The following ZNF414 variants were observed in gnomAD, a reference collection of about 807,000 sequenced individuals.
ZNF414 encodes zinc finger protein 414.
In ZNF414, 32 loss-of-function variants were observed where a neutral mutation model predicts 38.3. That is an observed-to-expected ratio of 0.83 (90% CI 0.63 to 1.12). ZNF414 has a LOEUF of 1.12. Ranked by LOEUF, ZNF414 falls within the 50% of genes most tolerant of loss-of-function variation. The pLI, the probability that ZNF414 is intolerant of heterozygous loss-of-function variation, is 0.00. For missense variants in ZNF414, 589 were observed against 557.4 expected (o/e 1.06, Z -0.57); for synonymous variants, 256 against 248.0 (o/e 1.03, Z -0.30).
intron 2 of ZNF414, 88 bp from the exon 3 acceptor site, chr19:8,512,799 T>A (rs553233127): frequency 3.8e-6 from 5 of 1,303,450 alleles, no homozygotes; most frequent in Non-Finnish European, 5.2e-6. Flanking sequence ...GAAGCAAATA[T>A]GATGTGCTGG....
rs778760286 is a variant in ZNF414, at chr19:8,511,895, G to A, written c.596C>T (p.Ala199Val). Residue 199 changes from alanine to valine, a missense_variant, in exon 5 of 8, where the codon GCG (alanine) becomes GTG (valine). Transcript: ENST00000393927. The part of the protein sequence containing the change: ...RSLFKHLHVC[A>V]EHAQSPAPPP... ...CGGGGCTGGGCTCTGCGCATGCTCC[G>A]CGCAAACATGCAGGTGCTTGAAGAG... 6 of 1,411,854 alleles carry A rather than the reference G, an allele frequency of 4.2e-6. No homozygotes were observed. The highest frequency in any genetic ancestry group is 2.7e-5 in the East Asian group (1 of 37,544). 87.5% of individuals were successfully genotyped at this position (1,411,854 alleles called of 1,614,324 possible).
Position 8,512,656 on chromosome 19 carries a change from A to G in ZNF414, c.372T>C (p.Arg124=). ...PGCCLSFPSV[R]DLAQHLRTHC... ...GGGTTCGCAGATGCTGTGCCAGGTC[A>G]CGGACGCTGGGAAAACTGAGGCAGC... is the stretch of plus-strand genomic sequence containing the variant. The change falls in exon 3 of 8, where the codon CGT becomes CGC. Residue 124 remains arginine, a synonymous_variant. Transcript: ENST00000393927. 1 of 1,590,752 alleles carries G rather than the reference A, an allele frequency of 6.3e-7. No individual in the cohort carries two copies. Among genetic ancestry groups the G allele is most frequent in the Non-Finnish European group, 8.6e-7 (1 of 1,168,818 alleles).
intron 6 of ZNF414, among the ~76,000 whole-genome samples, 152 bp from the exon 7 acceptor site, chr19:8,511,176 T>G (rs1182233479): frequency 6.6e-6 from 1 of 152,140 alleles, no homozygotes; most frequent in Non-Finnish European, 1.5e-5. Context: ...CGGGTCTGTC[T>G]GCCCCTAGAG....
rs769425697 is a variant in ZNF414 at position 8,513,131 on chromosome 19, G to T, written c.214C>A (p.Pro72Thr). ...GGMQQGSSPAPDSCQPGPGPS... is the reference protein window; with the variant it reads ...GGMQQGSSPATDSCQPGPGPS... ...CCGGGGCCAGGCTGGCAGCTGTCTG[G>T]GGCTGGGGAGGAGCCCTGCTGCATC... Residue 72 changes from proline to threonine, a missense_variant, in exon 2 of 8, where the codon CCA becomes ACA. Physicochemically the swap from Pro to Thr is conservative, Grantham distance 38. Coordinates refer to ENST00000393927, the MANE Select transcript of ZNF414 (RefSeq NM_001146175.2). 1 of 1,541,986 alleles carries T rather than the reference G, an allele frequency of 6.5e-7. No individual in the cohort carries two copies. Among genetic ancestry groups the T allele is most frequent in the South Asian group, 1.2e-5 (1 of 84,096 alleles).
rs1006105412 is a variant in ZNF414 at position 8,511,746 on chromosome 19, G to C, written c.745C>G (p.Pro249Ala). 2 of 1,455,020 alleles carry C rather than the reference G, an allele frequency of 1.4e-6. No individual in the cohort carries two copies. Among genetic ancestry groups the C allele is most frequent in the African/African-American group, 1.5e-5 (1 of 68,048 alleles). 90.1% of individuals were successfully genotyped at this position (1,455,020 alleles called of 1,614,324 possible). Residue 249 changes from proline (P) to alanine (A), a missense_variant, in exon 5 of 8, where the codon CCC becomes GCC. By Grantham distance (27) the Pro-to-Ala change is conservative. Transcript: ENST00000393927. ...LEPFTTPAPA[P>A]TGPFLPYLNP... ...AAGTAGGGCAGGAACGGTCCGGTGG[G>C]GGCAGGGGCGGGGGTCGTGAAGGGT...
chr19:8,511,784 A>G lies in ZNF414; in HGVS notation c.707T>C (p.Phe236Ser). The G allele has an allele frequency of 1.4e-6, 2 of 1,419,508 alleles. No homozygotes were observed. The highest frequency in any genetic ancestry group is 9.1e-7 in the Non-Finnish European group (1 of 1,095,172). The allele number at this position is 1,419,508 out of a possible 1,614,324, so 87.9% of individuals were successfully genotyped here. The change falls in exon 5 of 8, where the codon TTC becomes TCC. Residue 236 changes from phenylalanine to serine, a missense_variant. Physicochemically the swap from Phe to Ser is radical, Grantham distance 155. Transcript: ENST00000393927. Reference protein sequence around the residue: ...VDPASAPGLPFPLLEPFTTPA... With the variant: ...VDPASAPGLPSPLLEPFTTPA... ...GGTCGTGAAGGGTTCCAGCAGCGGG[A>G]ACGGCAGGCCCGGCGCTGATGCGGG... is the stretch of plus-strand genomic sequence containing the variant.
At position 8,510,308 on chromosome 19, in the gene ZNF414, G is replaced by GAAAAAA. The variant is rs534955424; in HGVS notation, c.*377_*382dup. The GAAAAAA allele has an allele frequency of 2.0e-5, 2 of 101,070 alleles. No homozygotes were observed. Among genetic ancestry groups the GAAAAAA allele is most frequent in the Admixed American group, 1.0e-4 (1 of 9,842 alleles). 6.3% of individuals were successfully genotyped at this position (101,070 alleles called of 1,614,324 possible). A position where few individuals can be genotyped will look rare whatever the true frequency, so the allele number is the denominator to read the frequency against. On this transcript the variant is annotated 3_prime_UTR_variant, in exon 8 of 8. Transcript: ENST00000393927. ...GTCTCAAAAAAGAAAAAAAAAAAAA[G>GAAAAAA]AAAAAAAAAAAAAAAGAAAACTGGA...
Position 8,513,057 on chromosome 19 carries a change from C to G in ZNF414, c.288G>C (p.Leu96=). 1 of 1,477,320 alleles carries G rather than the reference C, an allele frequency of 6.8e-7. No homozygotes were observed. The highest frequency in any genetic ancestry group is 9.0e-7 in the Non-Finnish European group (1 of 1,115,738). The allele number at this position is 1,477,320 out of a possible 1,614,324, so 91.5% of individuals were successfully genotyped here. ...TSIVSGTSED[L]RPPRRRPPPG... The stretch of plus-strand genomic sequence containing the variant: ...GAGGTGGGCGTCGTCTGGGAGGCCG[C>G]AGGTCCTCGCTGGTCCCGGAGACTA... The change falls in exon 2 of 8, where the codon CTG becomes CTC. Residue 96 remains leucine, a synonymous_variant. Transcript: ENST00000393927.
intron 4 of ZNF414, 179 bp downstream of exon 4, chr19:8,512,208 G>C (rs1971927592): frequency 4.9e-6 from 7 of 1,432,718 alleles, no homozygotes; most frequent in Middle Eastern, 2.6e-4. Flanking sequence ...GCCTGGCTGG[G>C]TGGGGCCACG....
At chr19:8,511,185 A>G (rs1971908047) in intron 6 of ZNF414, 161 bp from the exon 7 acceptor site, 3 of 1,311,598 alleles carry the variant, frequency 2.3e-6, no homozygotes, top group South Asian at 2.1e-5. Context: ...CTGCCCCTAG[A>G]GTTGGGGGCA....
At chr19:8,511,101 G>A (rs1460773920) in intron 6 of ZNF414, 77 bp from the exon 7 acceptor site, 3 of 1,283,296 alleles carry the variant, frequency 2.3e-6, no homozygotes, top group African/African-American at 1.6e-5. Flanking sequence ...GGAGGACGCC[G>A]GCGAGGGTGG....
Position 8,514,131 on chromosome 19 carries a change from C to G in ZNF414, c.-85G>C. 1 of 1,372,090 alleles carries G rather than the reference C, an allele frequency of 7.3e-7. No homozygotes were observed. The highest frequency in any genetic ancestry group is 9.4e-7 in the Non-Finnish European group (1 of 1,059,388). 85.0% of individuals were successfully genotyped at this position (1,372,090 alleles called of 1,614,324 possible). ...CCACCCTCTGGGCAGTGCGAGTTCG[C>G]GCTCACGTCAGCGCCATTTTCCACC... On this transcript the variant is annotated 5_prime_UTR_variant, in exon 1 of 8. Transcript: ENST00000393927.
chr19:8,512,013 G>C (rs1971924744), intron 4 of ZNF414, 53 bp from the exon 5 acceptor site: 1 of 1,388,162 alleles, frequency 7.2e-7, no homozygotes, highest in East Asian at 2.6e-5. Flanking sequence ...GCACCAGGGA[G>C]AGTGTCCTGT....
chr19:8,513,530 T>C (rs574061492), intron 1 of ZNF414, among the ~76,000 whole-genome samples, 189 bp from the exon 2 acceptor site: 35 of 152,300 alleles, frequency 2.3e-4, no homozygotes, highest in Admixed American at 2.1e-3. Flanking sequence ...TGGTCTCAAG[T>C]GATCCTCCTG....
At position 8,513,266 on chromosome 19, in the gene ZNF414, C is replaced by G; in HGVS notation, c.79G>C (p.Val27Leu). The part of the protein sequence containing the change: ...EPSSSETDKE[V>L]LSPAVPAAAP... ...GCAGCTGGCACAGCCGGGGACAACACCTCCTTGTCGGTCTCACTGGAGCTG... is the reference window on the plus strand; with the variant it reads ...GCAGCTGGCACAGCCGGGGACAACAGCTCCTTGTCGGTCTCACTGGAGCTG... Residue 27 changes from valine to leucine, a missense_variant, in exon 2 of 8, where the codon GTG (valine) becomes CTG (leucine). Transcript: ENST00000393927. The G allele has an allele frequency of 6.3e-7, 1 of 1,595,616 alleles. No homozygotes were observed. The highest frequency in any genetic ancestry group is 8.5e-7 in the Non-Finnish European group (1 of 1,178,152).
At chr19:8,512,737 A>G in intron 2 of ZNF414, 26 bp from the exon 3 acceptor site, 1 of 1,475,124 alleles carries the variant, frequency 6.8e-7, no homozygotes, top group Non-Finnish European at 9.0e-7. Context: ...AACAGTGGTC[A>G]CTGGTCCCTT....
In ZNF414 at chr19:8,514,155, CCT is replaced by C; in HGVS notation, c.-111_-110del. The C allele has an allele frequency of 7.6e-7, 1 of 1,315,690 alleles. No individual in the cohort carries two copies. The highest frequency in any genetic ancestry group is 9.8e-7 in the Non-Finnish European group (1 of 1,020,986). The allele number at this position is 1,315,690 out of a possible 1,614,324, so 81.5% of individuals were successfully genotyped here. A position where few individuals can be genotyped will look rare whatever the true frequency, so the allele number is the denominator to read the frequency against. ...GCGCTCACGTCAGCGCCATTTTCCA[CCT>C]CTCAGCTCTCGCGAGACTGGGGGCG... On this transcript the variant is annotated 5_prime_UTR_variant, in exon 1 of 8. Coordinates refer to ENST00000393927, the MANE Select transcript of ZNF414 (RefSeq NM_001146175.2).
chr19:8,514,105 G>A lies in ZNF414; in HGVS notation c.-59C>T, dbSNP rs1415823093. ...TCCGGCGGCTGCAGCTTAGGCGGCGGCCACCCTCTGGGCAGTGCGAGTTCG... is the reference window on the plus strand; with the variant it reads ...TCCGGCGGCTGCAGCTTAGGCGGCGACCACCCTCTGGGCAGTGCGAGTTCG... On this transcript the variant is annotated 5_prime_UTR_variant, in exon 1 of 8. Transcript: ENST00000393927. 4 of 1,450,374 alleles carry A rather than the reference G, an allele frequency of 2.8e-6. No individual in the cohort carries two copies. Among genetic ancestry groups the A allele is most frequent in the Admixed American group, 2.6e-5 (1 of 38,530 alleles). 89.8% of individuals were successfully genotyped at this position (1,450,374 alleles called of 1,614,324 possible). A position where few individuals can be genotyped will look rare whatever the true frequency, so the allele number is the denominator to read the frequency against.
chr19:8,514,076 C>T lies in ZNF414; in HGVS notation c.-30G>A. The stretch of plus-strand genomic sequence containing the variant: ...GACACGGCTCGGCCTCTTGTTTCTG[C>T]GGCTCCGGCGGCTGCAGCTTAGGCG... On this transcript the variant is annotated 5_prime_UTR_variant, in exon 1 of 8. Coordinates refer to ENST00000393927, the MANE Select transcript of ZNF414 (RefSeq NM_001146175.2). The T allele has an allele frequency of 1.4e-6, 2 of 1,463,258 alleles. No individual in the cohort carries two copies. Among genetic ancestry groups the T allele is most frequent in the Non-Finnish European group, 1.8e-6 (2 of 1,108,020 alleles). 90.6% of individuals were successfully genotyped at this position (1,463,258 alleles called of 1,614,324 possible).
Sources: gnomAD v4.1 joint callset for allele counts (sites outside exome capture counted in the v4.1 genomes callset) on GRCh38, gnomAD v4.1.1 for gene constraint, MANE v1.5 for transcripts, NCBI Gene and HGNC (gene_info 2026-07-23, HGNC 2026-07-21) for gene names.